Variants in GUCY1A1 observed in about 807,000 individuals in gnomAD.
GUCY1A1 encodes the protein guanylate cyclase soluble subunit alpha-1.
In GUCY1A1, 48 loss-of-function variants were observed where a neutral mutation model predicts 64.5. The observed-to-expected ratio is 0.74, with a 90% CI of 0.59 to 0.95. The LOEUF is 0.95. GUCY1A1 is among the 40% of genes least tolerant of loss of function. The pLI, the probability that GUCY1A1 is intolerant of heterozygous loss-of-function variation, is 0.00. For synonymous variants in GUCY1A1, 308 were observed against 303.4 expected (o/e 1.02, Z -0.16); for missense variants, 804 against 825.3 (o/e 0.97, Z 0.32).
intron 2 of GUCY1A1, among the ~76,000 whole-genome samples, chr4:155,688,135 G>A (rs1280714438): frequency 6.6e-6 from 1 of 152,056 alleles, no homozygotes; most frequent in Non-Finnish European, 1.5e-5. Flanking sequence ...GGCTGAGGCA[G>A]GAGAATGGCG....
At chr4:155,678,426 G>A (rs554701478) in intron 2 of GUCY1A1, among the ~76,000 whole-genome samples, 3 of 152,244 alleles carry the variant, frequency 2.0e-5, no homozygotes, top group Admixed American at 6.5e-5. Flanking sequence ...TTTATATCAA[G>A]TCCAGTTTAT....
rs760431424 is a variant in GUCY1A1, at chr4:155,731,497, C to T, written c.*1266C>T. 25 of 151,736 alleles carry T rather than the reference C, an allele frequency of 1.6e-4. No individual in the cohort carries two copies. The highest frequency in any genetic ancestry group is 2.7e-4 in the Non-Finnish European group (18 of 67,804). 9.4% of individuals were successfully genotyped at this position (151,736 alleles called of 1,614,324 possible). ...TATGGAAATGTCTAAGTATTTTTTC[C>T]GGAACTTCAACTTTTTCTTTTTGTT... On this transcript the variant is annotated 3_prime_UTR_variant, in exon 10 of 10. Coordinates refer to ENST00000506455, the MANE Select transcript of GUCY1A1 (RefSeq NM_001130682.3).
chr4:155,725,899 T>C (rs181299211), intron 9 of GUCY1A1, among the ~76,000 whole-genome samples: 19 of 152,212 alleles, frequency 1.2e-4, no homozygotes, highest in Admixed American at 4.6e-4. Flanking sequence ...AAATTTTTTA[T>C]TACTGTGGTA....
At chr4:155,707,875 G>T (rs1732002995) in intron 4 of GUCY1A1, among the ~76,000 whole-genome samples, 1 of 149,560 alleles carries the variant, frequency 6.7e-6, no homozygotes, top group African/African-American at 2.5e-5. Flanking sequence ...TGTTGGCCAG[G>T]CTAGAGTGCA....
intron 2 of GUCY1A1, among the ~76,000 whole-genome samples, chr4:155,683,074 G>C (rs1297451699): frequency 1.3e-5 from 2 of 152,058 alleles, no homozygotes; most frequent in Non-Finnish European, 2.9e-5. Context: ...AAACATGGAT[G>C]GTTTTTCATT....
At chr4:155,726,020 T>C (rs77783002) in intron 9 of GUCY1A1, among the ~76,000 whole-genome samples, 1,636 of 152,160 alleles carry the variant, frequency 0.011, 45 homozygotes, top group African/African-American at 0.038. Context: ...TTTCTGTCTT[T>C]GTTTCAGTTA....
chr4:155,691,894 G>C (rs1729786799), intron 2 of GUCY1A1, among the ~76,000 whole-genome samples: 1 of 152,068 alleles, frequency 6.6e-6, no homozygotes, highest in South Asian at 2.1e-4. Context: ...CATCAGCCAG[G>C]TTTTAAGCCT....
At chr4:155,705,354 G>C (rs1323396239) in intron 4 of GUCY1A1, among the ~76,000 whole-genome samples, 1 of 151,966 alleles carries the variant, frequency 6.6e-6, no homozygotes, top group African/African-American at 2.4e-5. Flanking sequence ...TTCGAGACCA[G>C]ACTGGCCAAC....
intron 2 of GUCY1A1, among the ~76,000 whole-genome samples, chr4:155,686,712 G>C (rs928980643): frequency 4.6e-5 from 7 of 152,312 alleles, no homozygotes; most frequent in African/African-American, 1.7e-4. Flanking sequence ...AAAATAGTGA[G>C]TAGTGCAATG....
chr4:155,727,934 A>G (rs1169225869), intron 9 of GUCY1A1, among the ~76,000 whole-genome samples: 1 of 151,890 alleles, frequency 6.6e-6, no homozygotes, highest in Non-Finnish European at 1.5e-5. Context: ...ATACAGATGC[A>G]TGTTCAGCAG....
At chr4:155,724,564 T>C (rs1734407298) in intron 9 of GUCY1A1, among the ~76,000 whole-genome samples, 1 of 152,104 alleles carries the variant, frequency 6.6e-6, no homozygotes, top group Admixed American at 6.6e-5. Flanking sequence ...AGCATTTGAA[T>C]AGGCTGAGAA....
intron 2 of GUCY1A1, among the ~76,000 whole-genome samples, chr4:155,680,872 A>G (rs542874370): frequency 6.6e-6 from 1 of 151,798 alleles, no homozygotes; most frequent in Admixed American, 6.6e-5. Context: ...AAATTTGCAT[A>G]TGAGTGGACC....
At chr4:155,713,684 C>T in intron 7 of GUCY1A1, 101 bp downstream of exon 7, 1 of 1,290,562 alleles carries the variant, frequency 7.7e-7, no homozygotes, top group Non-Finnish European at 1.1e-6. Flanking sequence ...AAGGCCACCT[C>T]TGTAGGGTCT....
chr4:155,713,472 C>T lies in GUCY1A1; in HGVS notation c.1461C>T (p.Ile487=), dbSNP rs758372170. The T allele has an allele frequency of 1.2e-6, 2 of 1,614,156 alleles. No homozygotes were observed. Among genetic ancestry groups the T allele is most frequent in the Non-Finnish European group, 1.7e-6 (2 of 1,180,002 alleles). ...FSNVTMLFSD[I]VGFTAICSQC... ...ATGTCACCATGCTCTTCTCAGACAT[C>T]GTTGGGTTCACTGCCATCTGCTCCC... Residue 487 remains isoleucine, a synonymous_variant, in exon 7 of 10, where the codon ATC becomes ATT. Coordinates refer to ENST00000506455, the MANE Select transcript of GUCY1A1 (RefSeq NM_001130682.3).
intron 9 of GUCY1A1, 72 bp from the exon 10 acceptor site, chr4:155,729,958 C>G: frequency 1.1e-6 from 1 of 888,432 alleles, no homozygotes. Flanking sequence ...CAGTAACATT[C>G]AGTTAGTTAT....
chr4:155,716,652 C>T (rs113156969), intron 7 of GUCY1A1, among the ~76,000 whole-genome samples: 23 of 152,096 alleles, frequency 1.5e-4, no homozygotes, highest in Middle Eastern at 3.4e-3. Flanking sequence ...TTAGAAGAAC[C>T]GTTTCTCTTT....
intron 9 of GUCY1A1, chr4:155,722,500 A>G: frequency 9.4e-7 from 1 of 1,064,142 alleles, no homozygotes; most frequent in Non-Finnish European, 1.2e-6. Context: ...TTCTGACATC[A>G]ACTAGTACAC....
intron 2 of GUCY1A1, among the ~76,000 whole-genome samples, chr4:155,692,944 A>AT (rs1729944383): frequency 6.6e-6 from 1 of 152,118 alleles, no homozygotes; most frequent in Non-Finnish European, 1.5e-5. Flanking sequence ...CTGTAATCCC[A>AT]GCTACTTGGG....
At chr4:155,721,647 A>G (rs933107128) in intron 8 of GUCY1A1, among the ~76,000 whole-genome samples, 7 of 152,092 alleles carry the variant, frequency 4.6e-5, no homozygotes, top group African/African-American at 1.7e-4. Flanking sequence ...GTTTGGGAAA[A>G]TGATTCCAGG....
Sources: gnomAD v4.1 joint callset for allele counts (sites outside exome capture counted in the v4.1 genomes callset) on GRCh38, gnomAD v4.1.1 for gene constraint, MANE v1.5 for transcripts, NCBI Gene and HGNC (gene_info 2026-07-23, HGNC 2026-07-21) for gene names.